Variants in HERPUD2 observed in about 807,000 individuals in gnomAD.
The protein encoded by HERPUD2 is homocysteine-responsive endoplasmic reticulum-resident ubiquitin-like domain member 2 protein.
Under a neutral mutation model 49.9 loss-of-function variants are expected in HERPUD2, and 13 were observed. The observed-to-expected ratio is 0.26, with a 90% CI of 0.17 to 0.41. HERPUD2 has a LOEUF of 0.41. Among genes scored for constraint, HERPUD2 ranks in the 10% least tolerant of loss-of-function variants. The pLI, the probability that HERPUD2 is intolerant of heterozygous loss-of-function variation, is 1.00. For synonymous variants in HERPUD2, 172 were observed against 171.4 expected (o/e 1.00, Z -0.03); for missense variants, 449 against 492.2 (o/e 0.91, Z 0.83).
intron 4 of HERPUD2, among the ~76,000 whole-genome samples, chr7:35,668,746 G>A (rs1785589535): frequency 6.6e-6 from 1 of 152,034 alleles, no homozygotes; most frequent in Admixed American, 6.6e-5. Context: ...AACATAAACT[G>A]GGAAAGGTTT....
intron 5 of HERPUD2, among the ~76,000 whole-genome samples, chr7:35,642,083 T>C (rs1784975587): frequency 6.6e-6 from 1 of 152,150 alleles, no homozygotes; most frequent in African/African-American, 2.4e-5. Flanking sequence ...AGGTCTAATA[T>C]CTAGCATCTA....
At chr7:35,681,795 A>T (rs1293293632) in intron 2 of HERPUD2, among the ~76,000 whole-genome samples, 1 of 152,170 alleles carries the variant, frequency 6.6e-6, no homozygotes, top group Non-Finnish European at 1.5e-5. Context: ...TAGAAACAGA[A>T]AGTAGAAAAA....
At chr7:35,644,345 T>C (rs1306522971) in intron 5 of HERPUD2, among the ~76,000 whole-genome samples, 1 of 150,296 alleles carries the variant, frequency 6.7e-6, no homozygotes, top group Non-Finnish European at 1.5e-5. Context: ...TAAAGAAAAA[T>C]GCTAAATGAC....
rs1430953269 is a variant in HERPUD2, at chr7:35,694,292, G to A, written c.39C>T (p.Ile13=). The change falls in exon 2 of 9, where the codon ATC becomes ATT. Residue 13 remains isoleucine (I), a synonymous_variant. Coordinates refer to ENST00000311350, the MANE Select transcript of HERPUD2 (RefSeq NM_022373.5). ...TGTATTTCTGATTCGGTGCTTTAAT[G>A]ATGAGGGTCACAGGAATCTCCATCC... ...QSGMEIPVTL[I]IKAPNQKYSD... 6 of 1,614,022 alleles carry A rather than the reference G, an allele frequency of 3.7e-6. No individual in the cohort carries two copies. The highest frequency in any genetic ancestry group is 3.3e-4 in the Middle Eastern group (2 of 6,084).
intron 2 of HERPUD2, among the ~76,000 whole-genome samples, chr7:35,684,059 T>C (rs1438477310): frequency 6.6e-6 from 1 of 152,108 alleles, no homozygotes; most frequent in East Asian, 1.9e-4. Context: ...CACTATTGGG[T>C]ATCTACCCAG....
chr7:35,653,351 G>A (rs1785205242), intron 5 of HERPUD2, among the ~76,000 whole-genome samples: 4 of 152,032 alleles, frequency 2.6e-5, no homozygotes, highest in African/African-American at 9.7e-5. Context: ...AATGATAAAG[G>A]GATCAATTCA....
rs1481152423 is a variant in HERPUD2 at position 35,632,807 on chromosome 7, T to A, written c.*883A>T. On this transcript the variant is annotated 3_prime_UTR_variant, in exon 9 of 9. Coordinates refer to ENST00000311350, the MANE Select transcript of HERPUD2 (RefSeq NM_022373.5). ...TTTTCTGTTAAGGTACTGATTCCAATTGATGGGATACATGCCCTTAATACA... is the reference window on the plus strand; with the variant it reads ...TTTTCTGTTAAGGTACTGATTCCAAATGATGGGATACATGCCCTTAATACA... 1.3e-5 allele frequency: 2 copies of A among 152,568 alleles called. No individual in the cohort carries two copies. The highest frequency in any genetic ancestry group is 4.1e-4 in the South Asian group (2 of 4,826). The allele number at this position is 152,568 out of a possible 1,614,324, so 9.5% of individuals were successfully genotyped here.
intron 2 of HERPUD2, among the ~76,000 whole-genome samples, chr7:35,686,178 C>T (rs1230111369): frequency 6.6e-6 from 1 of 151,148 alleles, no homozygotes; most frequent in South Asian, 2.1e-4. Context: ...AATATCATTA[C>T]CTTTTTCTTT....
At chr7:35,674,740 C>A (rs1036535176) in intron 2 of HERPUD2, among the ~76,000 whole-genome samples, 15 of 146,112 alleles carry the variant, frequency 1.0e-4, no homozygotes, top group African/African-American at 3.5e-4. Flanking sequence ...TTTAATCAAT[C>A]ACGCCTACCT....
At chr7:35,637,198 GATA>G (rs1562666887) in intron 6 of HERPUD2, among the ~76,000 whole-genome samples, 81 of 148,592 alleles carry the variant, frequency 5.5e-4, no homozygotes, top group African/African-American at 2.0e-3. Flanking sequence ...TAGATAGATA[GATA>G]GATAAAAGAA....
chr7:35,633,707 G>A lies in HERPUD2; in HGVS notation c.1204C>T (p.Pro402Ser). 2 of 1,613,636 alleles carry A rather than the reference G, an allele frequency of 1.2e-6. No individual in the cohort carries two copies. The highest frequency in any genetic ancestry group is 1.7e-6 in the Non-Finnish European group (2 of 1,179,768). ...TTTTCAGGTCAATTGGCAACCTGGG[G>A]AGGCCCCTCTGGTATTAGTGAAGTA... ...FFTSLIPEGP[P>S]QVAN Residue 402 changes from proline (P) to serine (S), a missense_variant, in exon 9 of 9, where the codon CCC becomes TCC. Physicochemically the swap from Pro to Ser is moderately conservative, Grantham distance 74. Transcript: ENST00000311350.
chr7:35,645,994 A>ATC (rs1345544163), intron 5 of HERPUD2, among the ~76,000 whole-genome samples: 1 of 152,208 alleles, frequency 6.6e-6, no homozygotes, highest in Non-Finnish European at 1.5e-5. Flanking sequence ...TGCCTGTTTA[A>ATC]TCTACTGTCT....
At chr7:35,657,411 GGAATGTAAATTA>G (rs1785297819) in intron 5 of HERPUD2, among the ~76,000 whole-genome samples, 2 of 152,020 alleles carry the variant, frequency 1.3e-5, no homozygotes, top group Admixed American at 1.3e-4. Flanking sequence ...ACTGTTGGTA[GGAATGTAAATTA>G]GTACAGCCAC....
At chr7:35,633,983 G>A in intron 8 of HERPUD2, 132 bp from the exon 9 acceptor site, 1 of 857,140 alleles carries the variant, frequency 1.2e-6, no homozygotes, top group Non-Finnish European at 1.8e-6. Context: ...AAATCTTTAA[G>A]GCCAAAATTG....
intron 5 of HERPUD2, among the ~76,000 whole-genome samples, chr7:35,643,613 C>G (rs1356525284): frequency 6.7e-6 from 1 of 149,360 alleles, no homozygotes; most frequent in Non-Finnish European, 1.5e-5. Context: ...TATGTGTGTA[C>G]ACACACACAC....
At chr7:35,653,783 G>C (rs1461650690) in intron 5 of HERPUD2, among the ~76,000 whole-genome samples, 1 of 152,136 alleles carries the variant, frequency 6.6e-6, no homozygotes, top group Non-Finnish European at 1.5e-5. Flanking sequence ...AAAATACATG[G>C]AAATTAAACA....
chr7:35,681,673 A>G (rs1785894695), intron 2 of HERPUD2, among the ~76,000 whole-genome samples: 1 of 152,242 alleles, frequency 6.6e-6, no homozygotes, highest in South Asian at 2.1e-4. Flanking sequence ...TGAAATACTG[A>G]CACATGCTAT....
intron 5 of HERPUD2, among the ~76,000 whole-genome samples, chr7:35,644,012 AT>A (rs1372263860): frequency 2.0e-5 from 3 of 152,262 alleles, no homozygotes; most frequent in Middle Eastern, 3.4e-3. Context: ...TAGTACTGCT[AT>A]TTTAAAACTA....
chr7:35,666,170 C>A (rs1785533090), intron 5 of HERPUD2, among the ~76,000 whole-genome samples: 1 of 152,156 alleles, frequency 6.6e-6, no homozygotes, highest in Admixed American at 6.5e-5. Flanking sequence ...GAGAACACTG[C>A]TTTTTACAAG....
Sources: gnomAD v4.1 joint callset for allele counts (sites outside exome capture counted in the v4.1 genomes callset) on GRCh38, gnomAD v4.1.1 for gene constraint, MANE v1.5 for transcripts, NCBI Gene and HGNC (gene_info 2026-07-23, HGNC 2026-07-21) for gene names.